Variants in RNF150 observed in about 807,000 individuals in gnomAD.
RNF150 encodes ring finger protein 150.
RNF150 carries 24 observed loss-of-function variants against 39.3 expected under a neutral mutation model. The ratio of observed to expected loss-of-function variants is 0.61; its 90% CI spans 0.44 to 0.86. RNF150 has a LOEUF of 0.86. RNF150 is among the 40% of genes least tolerant of loss of function. RNF150 has a pLI of 0.00. For missense variants in RNF150, 502 were observed against 587.8 expected (o/e 0.85, Z 1.51); for synonymous variants, 255 against 227.3 (o/e 1.12, Z -1.10).
rs192981519 is a variant in RNF150, at chr4:140,952,877, T to G, written c.736-3505A>C. 1.4e-4 allele frequency among the ~76,000 whole-genome samples: 22 copies of G among 152,298 alleles called. No homozygotes were observed. The East Asian group carries it at 3.7e-3, about 25-fold the overall frequency. On this transcript the variant is annotated intron_variant, in intron 2 of 6. Transcript: ENST00000515673. ...CAGGGATACATTCTGAGAAATCCAT[T>G]GTTAGGCGATTTCGTCACTGTGTGA...
intron 1 of RNF150, among the ~76,000 whole-genome samples, chr4:141,179,215 A>G (rs1224364115): frequency 6.6e-6 from 1 of 152,184 alleles, no homozygotes; most frequent in East Asian, 1.9e-4. Flanking sequence ...ACAGTCAATC[A>G]GTATTTCCTG....
chr4:141,058,416 A>T (rs759782920), intron 1 of RNF150, among the ~76,000 whole-genome samples: 12 of 152,246 alleles, frequency 7.9e-5, no homozygotes, highest in Non-Finnish European at 1.0e-4. Context: ...AAAATTGAGA[A>T]TATGTGTACC....
chr4:140,920,761 A>C (rs1275096444), intron 5 of RNF150, among the ~76,000 whole-genome samples: 1 of 151,992 alleles, frequency 6.6e-6, no homozygotes, highest in Non-Finnish European at 1.5e-5. Context: ...GGCACTATTC[A>C]CGATAGCAAA....
intron 2 of RNF150, among the ~76,000 whole-genome samples, chr4:140,963,370 A>G (rs1252589219): frequency 1.3e-5 from 2 of 152,074 alleles, no homozygotes; most frequent in African/African-American, 4.8e-5. Context: ...AGTGTTACCC[A>G]ATAAGACTTT....
chr4:140,923,592 A>G (rs35645983), intron 5 of RNF150, among the ~76,000 whole-genome samples: 1 of 152,070 alleles, frequency 6.6e-6, no homozygotes, highest in African/African-American at 2.4e-5. Context: ...AACTAGAAAT[A>G]CCATTTGACC....
chr4:140,933,107 T>C (rs778102089), intron 4 of RNF150, among the ~76,000 whole-genome samples: 22 of 152,206 alleles, frequency 1.4e-4, no homozygotes, highest in Non-Finnish European at 2.8e-4. Context: ...CAGGGGATAA[T>C]GGTAATATTA....
At chr4:141,116,362 T>G (rs1042928591) in intron 1 of RNF150, among the ~76,000 whole-genome samples, 1 of 152,012 alleles carries the variant, frequency 6.6e-6, no homozygotes, top group African/African-American at 2.4e-5. Context: ...CAAAAGACAT[T>G]TATGCGGCCA....
In RNF150 at chr4:140,918,918, GA is replaced by G. The variant is rs759327050; in HGVS notation, c.987+7058del. Among the ~76,000 whole-genome samples the G allele has an allele frequency of 9.0e-4, 137 of 152,206 alleles. 1 individual carries two copies. Among genetic ancestry groups the G allele is most frequent in the Non-Finnish European group, 1.3e-3 (88 of 68,018 alleles). ...ATAATTCTAATCCAGCATATAAACA[GA>G]ACCAAAGACAAAAACCACATGATTA... On this transcript the variant is annotated intron_variant, in intron 5 of 6. Coordinates refer to ENST00000515673, the MANE Select transcript of RNF150 (RefSeq NM_020724.2).
intron 1 of RNF150, among the ~76,000 whole-genome samples, chr4:141,019,033 AATAT>A (rs10527652): frequency 0.028 from 3,516 of 125,700 alleles, 67 homozygotes; most frequent in Non-Finnish European, 0.034. Flanking sequence ...ACTGCAAAGA[AATAT>A]ATATATATAT....
upstream of RNF150, among the ~76,000 whole-genome samples, chr4:141,135,170 C>T (rs1727009190): frequency 6.6e-6 from 1 of 152,146 alleles, no homozygotes; most frequent in African/African-American, 2.4e-5. Flanking sequence ...TGTAAATAAC[C>T]TTGAGGCTTT....
intron 1 of RNF150, among the ~76,000 whole-genome samples, chr4:141,092,442 T>C (rs764263515): frequency 3.9e-5 from 6 of 152,224 alleles, no homozygotes; most frequent in Non-Finnish European, 8.8e-5. Context: ...TTTGTATTCA[T>C]CACCTTTTTT....
chr4:141,159,717 A>AT (rs965548983), intron 1 of RNF150, among the ~76,000 whole-genome samples: 7 of 151,674 alleles, frequency 4.6e-5, no homozygotes, highest in Admixed American at 1.3e-4. Context: ...TAATTTTTGT[A>AT]TTTTTTGTAA....
rs1322593971 is a variant in RNF150 at position 140,863,928 on chromosome 4, CATAAAT to C, written c.*4327_*4332del. On this transcript the variant is annotated 3_prime_UTR_variant, in exon 7 of 7. Transcript: ENST00000515673. ...CAAAAATATCCATCTAAACAAAACT[CATAAAT>C]AAGAAAGAATCCTATGTTAGATCAC... 1 of 150,954 alleles carries C rather than the reference CATAAAT, an allele frequency of 6.6e-6. No individual in the cohort carries two copies. The highest frequency in any genetic ancestry group is 2.4e-5 in the African/African-American group (1 of 41,174). 9.4% of individuals were successfully genotyped at this position (150,954 alleles called of 1,614,324 possible). A position where few individuals can be genotyped will look rare whatever the true frequency, so the allele number is the denominator to read the frequency against.
At chr4:140,919,773 C>G (rs1280425705) in intron 5 of RNF150, among the ~76,000 whole-genome samples, 1 of 122,314 alleles carries the variant, frequency 8.2e-6, no homozygotes, top group Non-Finnish European at 1.9e-5. Context: ...ATCACGCTAC[C>G]TGACTTCAAA....
At chr4:140,998,165 C>T (rs964900063) in intron 1 of RNF150, among the ~76,000 whole-genome samples, 3 of 152,104 alleles carry the variant, frequency 2.0e-5, no homozygotes, top group Non-Finnish European at 4.4e-5. Context: ...TCCAGTTGCC[C>T]GCAGATTTTA....
chr4:141,077,828 T>TA (rs1263453519), intron 1 of RNF150, among the ~76,000 whole-genome samples: 1 of 152,250 alleles, frequency 6.6e-6, no homozygotes, highest in Non-Finnish European at 1.5e-5. Flanking sequence ...ATCAGGCCAC[T>TA]TCTGAGGCTC....
At chr4:141,023,481 T>C (rs941862144) in intron 1 of RNF150, among the ~76,000 whole-genome samples, 1 of 152,058 alleles carries the variant, frequency 6.6e-6, no homozygotes, top group Non-Finnish European at 1.5e-5. Flanking sequence ...CTTGAACTCC[T>C]GACTTCAAGT....
intron 6 of RNF150, among the ~76,000 whole-genome samples, chr4:140,887,622 C>T (rs761919690): frequency 7.9e-5 from 12 of 152,134 alleles, no homozygotes; most frequent in Non-Finnish European, 1.3e-4. Context: ...CTTATCCCTA[C>T]TGCTTGTACA....
chr4:141,052,197 A>G (rs1736802677), intron 1 of RNF150, among the ~76,000 whole-genome samples: 1 of 152,136 alleles, frequency 6.6e-6, no homozygotes, highest in African/African-American at 2.4e-5. Flanking sequence ...GTTACAATTC[A>G]AGACGAGATT....
Sources: allele counts gnomAD v4.1 joint callset (sites outside exome capture counted in the v4.1 genomes callset), GRCh38; gene constraint gnomAD v4.1.1; transcripts MANE v1.5; gene names NCBI Gene and HGNC (gene_info 2026-07-23, HGNC 2026-07-21).